PPP1R12B: variants seen among roughly 807,000 people sequenced by gnomAD.
PPP1R12B encodes the protein protein phosphatase 1 regulatory subunit 12B.
Under a neutral mutation model 126.1 loss-of-function variants are expected in PPP1R12B, and 76 were observed. That is an observed-to-expected ratio of 0.60 (90% confidence interval 0.50 to 0.73). PPP1R12B has a LOEUF of 0.73. Ranked by LOEUF, PPP1R12B falls within the 30% of genes least tolerant of loss-of-function variation. The pLI, the probability that PPP1R12B is intolerant of heterozygous loss-of-function variation, is 0.00. For synonymous variants in PPP1R12B, 356 were observed against 434.7 expected (o/e 0.82, Z 2.25); for missense variants, 1,052 against 1,205.1 (o/e 0.87, Z 1.88).
At chr1:202,350,355 C>T (rs1379044868) in intron 1 of PPP1R12B, among the ~76,000 whole-genome samples, 2 of 152,052 alleles carry the variant, frequency 1.3e-5, no homozygotes, top group African/African-American at 4.8e-5. Flanking sequence ...CAGCAGTGAT[C>T]CTTTGAAGTA....
chr1:202,427,310 TG>T, intron 5 of PPP1R12B, 126 bp downstream of exon 5: 1 of 1,344,292 alleles, frequency 7.4e-7, no homozygotes, highest in South Asian at 1.3e-5. Context: ...GTAGCTATAA[TG>T]TTACCCTCCA....
At chr1:202,550,054 A>G (rs1686151367) in intron 18 of PPP1R12B, among the ~76,000 whole-genome samples, 1 of 152,312 alleles carries the variant, frequency 6.6e-6, no homozygotes, top group South Asian at 2.1e-4. Flanking sequence ...TTGCTAGTAT[A>G]TTGGTCACTC....
In PPP1R12B at chr1:202,574,167, C is replaced by CA. The variant is rs11320060; in HGVS notation, c.2862+4987dup. ...AACCTTCTAAACAGTACATGCCCCA[C>CA]AAAAAAAAAAAAAAAAAGCTTAAAT... On this transcript the variant is annotated intron_variant, in intron 23 of 23. Coordinates refer to ENST00000608999, the MANE Select transcript of PPP1R12B (RefSeq NM_002481.4). 9.9e-3 allele frequency among the ~76,000 whole-genome samples: 1,214 copies of CA among 122,304 alleles called. 7 individuals carry two copies. The highest frequency in any genetic ancestry group is 0.015 in the African/African-American group (484 of 32,998). 80.2% of individuals were successfully genotyped at this position (122,304 alleles called of 152,430 possible). A position where few individuals can be genotyped will look rare whatever the true frequency, so the allele number is the denominator to read the frequency against.
chr1:202,349,643 A>T (rs1655575797), intron 1 of PPP1R12B, among the ~76,000 whole-genome samples: 1 of 152,132 alleles, frequency 6.6e-6, no homozygotes, highest in South Asian at 2.1e-4. Context: ...GTTGATTTGT[A>T]GTACTTCAAA....
chr1:202,532,156 A>G (rs1328970350), intron 18 of PPP1R12B, among the ~76,000 whole-genome samples: 1 of 152,200 alleles, frequency 6.6e-6, no homozygotes, highest in East Asian at 1.9e-4. Context: ...TGATGTTGCC[A>G]TGACATTTGT....
At chr1:202,355,615 G>T (rs1356304582) in intron 1 of PPP1R12B, among the ~76,000 whole-genome samples, 1 of 152,190 alleles carries the variant, frequency 6.6e-6, no homozygotes, top group East Asian at 1.9e-4. Context: ...AAGGTGGCTT[G>T]ATGGACTCCT....
intron 18 of PPP1R12B, among the ~76,000 whole-genome samples, chr1:202,533,145 A>AG (rs1684146441): frequency 6.6e-6 from 1 of 152,148 alleles, no homozygotes; most frequent in African/African-American, 2.4e-5. Context: ...CTGGGATTAC[A>AG]GGCGTGACAC....
At chr1:202,575,285 A>G (rs905125723) in intron 23 of PPP1R12B, 2 of 1,203,606 alleles carry the variant, frequency 1.7e-6, no homozygotes, top group Non-Finnish European at 2.3e-6. Context: ...TGCAGATGGA[A>G]GCAGCCAGGA....
At chr1:202,568,195 C>CACAT (rs898499076) in intron 22 of PPP1R12B, among the ~76,000 whole-genome samples, 1 of 151,692 alleles carries the variant, frequency 6.6e-6, no homozygotes, top group African/African-American at 2.4e-5. Context: ...CACACACACA[C>CACAT]ACATCCAAGG....
At chr1:202,440,361 T>C (rs1443400634) in intron 10 of PPP1R12B, among the ~76,000 whole-genome samples, 5 of 152,216 alleles carry the variant, frequency 3.3e-5, no homozygotes, top group Non-Finnish European at 7.4e-5. Flanking sequence ...ATAAATCTTA[T>C]TTCATCAAGA....
chr1:202,568,790 T>G (rs1688312902), intron 22 of PPP1R12B, among the ~76,000 whole-genome samples: 1 of 152,198 alleles, frequency 6.6e-6, no homozygotes, highest in Admixed American at 6.5e-5. Flanking sequence ...AATGATGCCT[T>G]TTTGATAATA....
intron 1 of PPP1R12B, among the ~76,000 whole-genome samples, chr1:202,378,131 C>G (rs1309618125): frequency 6.6e-6 from 1 of 152,104 alleles, no homozygotes; most frequent in Non-Finnish European, 1.5e-5. Context: ...AGCCACCGCG[C>G]CCAGCCAAAG....
intron 13 of PPP1R12B, among the ~76,000 whole-genome samples, chr1:202,449,907 C>T (rs1444889476): frequency 3.3e-5 from 5 of 152,054 alleles, no homozygotes; most frequent in South Asian, 4.2e-4. Context: ...AGGATGGTCT[C>T]GATGTCCTGA....
intron 1 of PPP1R12B, among the ~76,000 whole-genome samples, chr1:202,363,511 G>A (rs759386187): frequency 2.2e-4 from 33 of 152,090 alleles, no homozygotes; most frequent in Non-Finnish European, 4.6e-4. Flanking sequence ...ATCATTAATC[G>A]TTTTGTCTAT....
chr1:202,495,222 G>A lies in PPP1R12B; in HGVS notation c.2146-71G>A, dbSNP rs140663006. On this transcript the variant is annotated intron_variant, in intron 15 of 23. Transcript: ENST00000608999. ...CCCTTAATATAGAAAAAAACATTTT[G>A]TATAAACCTGCTGTCCTTACTCTTT... 9.6e-4 allele frequency: 1,330 copies of A among 1,387,658 alleles called. 13 individuals are homozygous for A. The African/African-American group carries it at 0.018, about 19-fold the overall frequency. 86.0% of individuals were successfully genotyped at this position (1,387,658 alleles called of 1,614,324 possible). A position where few individuals can be genotyped will look rare whatever the true frequency, so the allele number is the denominator to read the frequency against.
intron 1 of PPP1R12B, among the ~76,000 whole-genome samples, chr1:202,358,446 G>A (rs1259191949): frequency 1.3e-5 from 2 of 152,182 alleles, no homozygotes; most frequent in East Asian, 3.8e-4. Flanking sequence ...ACTTTGGGAG[G>A]CCAAGGCAGG....
chr1:202,569,390 GAGGACACCTTAA>G (rs1296609935), intron 23 of PPP1R12B, among the ~76,000 whole-genome samples, 193 bp downstream of exon 23: 9 of 152,172 alleles, frequency 5.9e-5, no homozygotes, highest in African/African-American at 2.2e-4. Context: ...AACATCCATT[GAGGACACCTTAA>G]AGGCATTCTA....
In PPP1R12B at chr1:202,581,082, A is replaced by G. The variant is rs1266024275; in HGVS notation, c.*522A>G. The G allele has an allele frequency of 6.4e-6, 1 of 155,320 alleles. No homozygotes were observed. Among genetic ancestry groups the G allele is most frequent in the Non-Finnish European group, 1.4e-5 (1 of 69,528 alleles). 9.6% of individuals were successfully genotyped at this position (155,320 alleles called of 1,614,324 possible). ...TGGAATGGTTAGCATCCAAGGTGAC[A>G]GTGACTGCATTGAGGCGCTCTATTC... On this transcript the variant is annotated 3_prime_UTR_variant, in exon 24 of 24. Transcript: ENST00000608999.
At chr1:202,444,914 C>A in intron 12 of PPP1R12B, 1 of 699,058 alleles carries the variant, frequency 1.4e-6, no homozygotes, top group Non-Finnish European at 2.0e-6. Flanking sequence ...TTGATCACTT[C>A]ACTTCCCAGT....
Sources: allele counts gnomAD v4.1 joint callset (sites outside exome capture counted in the v4.1 genomes callset), GRCh38; gene constraint gnomAD v4.1.1; transcripts MANE v1.5; gene names NCBI Gene and HGNC (gene_info 2026-07-23, HGNC 2026-07-21).